The following ARID4B variants were observed in gnomAD, a reference collection of about 807,000 sequenced individuals.
ARID4B encodes AT-rich interactive domain-containing protein 4B.
Under a neutral mutation model 147.5 loss-of-function variants are expected in ARID4B, and 26 were observed. That is an observed-to-expected ratio of 0.18 (90% CI 0.13 to 0.24). ARID4B has a LOEUF of 0.24. Ranked by LOEUF, ARID4B falls within the 10% of genes least tolerant of loss-of-function variation. ARID4B has a pLI of 1.00. For synonymous variants in ARID4B, 512 were observed against 507.9 expected, an observed-to-expected ratio of 1.01 and a Z score of -0.11; for missense variants, 1,179 against 1,511.5, an observed-to-expected ratio of 0.78 and a Z score of 3.65.
rs1381285923 is a variant in ARID4B, at chr1:235,304,871, A to C, written c.6+22043T>G. 4.6e-5 allele frequency among the ~76,000 whole-genome samples: 7 copies of C among 152,206 alleles called. No individual in the cohort carries two copies. The East Asian group carries it at 1.2e-3, about 25-fold the overall frequency. Reference sequence around the variant, plus strand: ...TTCATAAAATTCCTTTGTGGTAAATAGTAAATACTAATCTCATTTTATAGC... The same window carrying C: ...TTCATAAAATTCCTTTGTGGTAAATCGTAAATACTAATCTCATTTTATAGC... On this transcript the variant is annotated intron_variant, in intron 2 of 23. Coordinates refer to ENST00000264183, the MANE Select transcript of ARID4B (RefSeq NM_016374.6).
chr1:235,260,641 C>T lies in ARID4B; in HGVS notation c.117+1G>A, dbSNP rs1394946748. On this transcript the variant is annotated splice_donor_variant, in intron 3 of 23. Transcript: ENST00000264183. LOFTEE classifies it high-confidence loss of function. The stretch of plus-strand genomic sequence containing the variant: ...ATTTATGAAATCTATAAATACTGTA[C>T]CTTGACTTTGACAAGTCTTTTTGCT... 6.3e-7 allele frequency: 1 copy of T among 1,589,430 alleles called. No homozygotes were observed. Among genetic ancestry groups the T allele is most frequent in the Non-Finnish European group, 8.6e-7 (1 of 1,164,066 alleles).
At chr1:235,214,125 TC>T in intron 16 of ARID4B, 99 bp from the exon 17 acceptor site, 1 of 1,441,250 alleles carries the variant, frequency 6.9e-7, no homozygotes, top group Non-Finnish European at 9.2e-7. Context: ...CTGTGATTGT[TC>T]CAGGAAAAGC....
intron 2 of ARID4B, among the ~76,000 whole-genome samples, chr1:235,310,517 ATGT>A (rs1416827855): frequency 6.6e-6 from 1 of 152,230 alleles, no homozygotes; most frequent in Admixed American, 6.5e-5. Flanking sequence ...CCTCAAAGGG[ATGT>A]TATTAGATAT....
At chr1:235,236,227 G>A (rs1668544255) in intron 8 of ARID4B, among the ~76,000 whole-genome samples, 1 of 152,050 alleles carries the variant, frequency 6.6e-6, no homozygotes, top group Non-Finnish European at 1.5e-5. Context: ...TTTCACTCTA[G>A]TTACCAAAAA....
Position 235,260,897 on chromosome 1 carries a change from A to G in ARID4B, c.7-145T>C, listed in dbSNP as rs113510442. The G allele has an allele frequency of 1.4e-4, 82 of 566,084 alleles. 1 individual carries two copies. Among genetic ancestry groups the G allele is most frequent in the African/African-American group, 1.2e-3 (62 of 51,608 alleles). 35.1% of individuals were successfully genotyped at this position (566,084 alleles called of 1,614,324 possible). A position where few individuals can be genotyped will look rare whatever the true frequency, so the allele number is the denominator to read the frequency against. The stretch of plus-strand genomic sequence containing the variant: ...TAACAAGACCAATCTATAAAATACT[A>G]TAAATTAAAAAACAAGTAAAATGTT... On this transcript the variant is annotated intron_variant, in intron 2 of 23. Coordinates refer to ENST00000264183, the MANE Select transcript of ARID4B (RefSeq NM_016374.6).
At chr1:235,246,025 C>T (rs1192928242) in intron 7 of ARID4B, among the ~76,000 whole-genome samples, 1 of 151,998 alleles carries the variant, frequency 6.6e-6, no homozygotes, top group Non-Finnish European at 1.5e-5. Flanking sequence ...CAAAATGGTT[C>T]ACATAAAGGT....
At position 235,221,886 on chromosome 1, in the gene ARID4B, A is replaced by ATTTTTTTTT. The variant is rs768600040; in HGVS notation, c.1066-233_1066-225dup. Among the ~76,000 whole-genome samples the ATTTTTTTTT allele has an allele frequency of 1.7e-3, 89 of 53,652 alleles. 2 individuals are homozygous for ATTTTTTTTT. Among genetic ancestry groups the ATTTTTTTTT allele is most frequent in the East Asian group, 2.2e-3 (3 of 1,374 alleles). The allele number at this position is 53,652 out of a possible 152,430, so 35.2% of individuals were successfully genotyped here. A position where few individuals can be genotyped will look rare whatever the true frequency, so the allele number is the denominator to read the frequency against. ...TGTTGAAATATTAAGTCATTTGACTATTTTTTTTTTTTTTTTTTTTTTTTT... is the reference window on the plus strand; with the variant it reads ...TGTTGAAATATTAAGTCATTTGACTATTTTTTTTTTTTTTTTTTTTTTTTTTTTTTTTTT... On this transcript the variant is annotated intron_variant, in intron 13 of 23. Transcript: ENST00000264183.
chr1:235,256,197 G>A (rs1669980874), intron 4 of ARID4B, among the ~76,000 whole-genome samples: 1 of 135,666 alleles, frequency 7.4e-6, no homozygotes, highest in African/African-American at 2.9e-5. Context: ...AAAAGTGCCA[G>A]CAGTTTTACC....
chr1:235,223,277 A>C lies in ARID4B; in HGVS notation c.971-17T>G, dbSNP rs776032396. 7.3e-6 allele frequency: 10 copies of C among 1,378,362 alleles called. No individual in the cohort carries two copies. Among genetic ancestry groups the C allele is most frequent in the Middle Eastern group, 1.9e-4 (1 of 5,228 alleles). 85.4% of individuals were successfully genotyped at this position (1,378,362 alleles called of 1,614,324 possible). On this transcript the variant is annotated splice_polypyrimidine_tract_variant and intron_variant, in intron 12 of 23. Transcript: ENST00000264183. ...TAGGTGTACCTGTTACAGAAAACAC[A>C]AACTATATTAGATCCACACTACATT...
At chr1:235,293,355 T>C (rs1359640783) in intron 2 of ARID4B, among the ~76,000 whole-genome samples, 1 of 152,218 alleles carries the variant, frequency 6.6e-6, no homozygotes, top group Non-Finnish European at 1.5e-5. Flanking sequence ...ATGCTCATTT[T>C]AAAAACCAAA....
chr1:235,297,235 C>CA (rs1181386781), intron 2 of ARID4B, among the ~76,000 whole-genome samples: 1 of 152,026 alleles, frequency 6.6e-6, no homozygotes, highest in Non-Finnish European at 1.5e-5. Flanking sequence ...TGAAAAACAG[C>CA]AACTACAATG....
Position 235,305,034 on chromosome 1 carries a change from C to T in ARID4B, c.6+21880G>A, listed in dbSNP as rs1029502750. Among the ~76,000 whole-genome samples the T allele has an allele frequency of 2.0e-5, 3 of 152,150 alleles. No individual in the cohort carries two copies. In the East Asian group the frequency reaches 5.8e-4, roughly 29 times the overall value. On this transcript the variant is annotated intron_variant, in intron 2 of 23. Transcript: ENST00000264183. ...TTATCTATCAAGGGGAAATTTAAAGCTGACATGGAATCAGAGTTGCTAATT... is the reference window on the plus strand; with the variant it reads ...TTATCTATCAAGGGGAAATTTAAAGTTGACATGGAATCAGAGTTGCTAATT...
Position 235,214,048 on chromosome 1 carries a change from CAG to C in ARID4B, c.1584-24_1584-23del, listed in dbSNP as rs557183587. 267 of 1,591,926 alleles carry C rather than the reference CAG, an allele frequency of 1.7e-4. No homozygotes were observed. In the African/African-American group the frequency reaches 3.0e-3, roughly 18 times the overall value. ...ATCTCTTGAAAGGTTTAAAAAATTG[CAG>C]AGTTAATAAAAGACACTTCATAAGT... On this transcript the variant is annotated intron_variant, in intron 16 of 23. Transcript: ENST00000264183.
chr1:235,231,226 A>C (rs7518225), intron 9 of ARID4B, 37 bp from the exon 10 acceptor site: 462,858 of 1,033,524 alleles, frequency 0.45, 109,312 homozygotes, highest in South Asian at 0.6. Context: ...AAGAAAAAAA[A>C]CCCAAAATAT....
intron 17 of ARID4B, among the ~76,000 whole-genome samples, chr1:235,212,377 C>T (rs948066153): frequency 3.3e-5 from 5 of 152,166 alleles, no homozygotes; most frequent in Admixed American, 6.5e-5. Flanking sequence ...TAAGCTCTGA[C>T]GATAGGTATT....
chr1:235,235,039 T>C lies in ARID4B; in HGVS notation c.586-547A>G, dbSNP rs546904972. Reference sequence around the variant, plus strand: ...AACTAAGCTACTGTGATCACCTGAGTGAGAGGTGGTGGCTTGGATGTAAAG... The same window carrying C: ...AACTAAGCTACTGTGATCACCTGAGCGAGAGGTGGTGGCTTGGATGTAAAG... On this transcript the variant is annotated intron_variant, in intron 8 of 23. Coordinates refer to ENST00000264183, the MANE Select transcript of ARID4B (RefSeq NM_016374.6). Among the ~76,000 whole-genome samples the C allele has an allele frequency of 2.6e-3, 399 of 152,018 alleles. 3 individuals are homozygous for C. Among genetic ancestry groups the C allele is most frequent in the African/African-American group, 9.2e-3 (382 of 41,456 alleles).
At chr1:235,181,204 T>G (rs1664285360) in intron 20 of ARID4B, 1 of 954,028 alleles carries the variant, frequency 1.0e-6, no homozygotes, top group East Asian at 6.1e-5. Context: ...AATCAAAATG[T>G]TCGTGAGAAA....
At chr1:235,255,263 A>ATCTATCTATCTATCTATC (rs746915541) in intron 5 of ARID4B, among the ~76,000 whole-genome samples, 5,688 of 90,614 alleles carry the variant, frequency 0.063, 209 homozygotes, top group Admixed American at 0.15. Context: ...AGATAGATAG[A>ATCTATCTATCTATCTATC]TATATATCTC....
intron 21 of ARID4B, among the ~76,000 whole-genome samples, chr1:235,177,346 T>C (rs569284917): frequency 1.2e-4 from 19 of 152,330 alleles, no homozygotes; most frequent in South Asian, 8.3e-4. Context: ...CAAAAACAGA[T>C]TACTTGATTT....
Sources: gnomAD v4.1 joint callset for allele counts (sites outside exome capture counted in the v4.1 genomes callset) on GRCh38, gnomAD v4.1.1 for gene constraint, MANE v1.5 for transcripts, NCBI Gene and HGNC (gene_info 2026-07-23, HGNC 2026-07-21) for gene names.